Variants in NUPR1 observed in about 807,000 individuals in gnomAD.
NUPR1 encodes the protein nuclear protein 1, transcriptional regulator.
In NUPR1, 8 loss-of-function variants were observed where a neutral mutation model predicts 7.3. The ratio of observed to expected loss-of-function variants is 1.09; its 90% CI spans 0.64 to 1.97. The LOEUF (loss-of-function observed/expected upper bound fraction) is 1.97. Among genes scored for constraint, NUPR1 ranks in the 30% most tolerant of loss-of-function variants. NUPR1 has a pLI of 0.00. For missense variants in NUPR1, 96 were observed against 111.7 expected, an observed-to-expected ratio of 0.86 and a Z score of 0.63; for synonymous variants, 39 against 44.5, an observed-to-expected ratio of 0.88 and a Z score of 0.49.
rs368150912 is a variant in NUPR1 at position 28,535,604 on chromosome 16, C to CT, written c.*2078dup. The CT allele has an allele frequency of 3.1e-5, 1 of 32,340 alleles. No individual in the cohort carries two copies. Among genetic ancestry groups the CT allele is most frequent in the African/African-American group, 1.5e-4 (1 of 6,888 alleles). 2.0% of individuals were successfully genotyped at this position (32,340 alleles called of 1,614,324 possible). On this transcript the variant is annotated 3_prime_UTR_variant, in exon 3 of 3. Coordinates refer to ENST00000324873, the MANE Select transcript of NUPR1 (RefSeq NM_012385.3). ...TCTTTCTTTCTTTCTTTCTTTCTTT[C>CT]TTTCTTTCTTTCTTTCTTCTCTTTC... is the stretch of plus-strand genomic sequence containing the variant.
Position 28,538,605 on chromosome 16 carries a change from G to A in NUPR1, c.112+191C>T, listed in dbSNP as rs752361732. 1.3e-5 allele frequency: 9 copies of A among 688,286 alleles called. No individual in the cohort carries two copies. In the South Asian group the frequency reaches 1.4e-4, roughly 10 times the overall value. 42.6% of individuals were successfully genotyped at this position (688,286 alleles called of 1,614,324 possible). On this transcript the variant is annotated intron_variant, in intron 1 of 2. Transcript: ENST00000324873. ...GGATCACTTGAGCCCAGGAGTTCGA[G>A]GCTGCGGTGAGTTGTTTGAGTTGTT... is the stretch of plus-strand genomic sequence containing the variant.
rs2046611792 is a variant in NUPR1, at chr16:28,535,583, T to TCTTTC, written c.*2095_*2099dup. 4 of 43,192 alleles carry TCTTTC rather than the reference T, an allele frequency of 9.3e-5. No homozygotes were observed. The highest frequency in any genetic ancestry group is 1.1e-3 in the South Asian group (1 of 884). The allele number at this position is 43,192 out of a possible 1,614,324, so 2.7% of individuals were successfully genotyped here. A position where few individuals can be genotyped will look rare whatever the true frequency, so the allele number is the denominator to read the frequency against. On this transcript the variant is annotated 3_prime_UTR_variant, in exon 3 of 3. Transcript: ENST00000324873. The stretch of plus-strand genomic sequence containing the variant: ...TCTTTCCTTCCTTCCTTTCTTTCTT[T>TCTTTC]CTTTCTTTCTTTCTTTCTTTCTTTC...
At position 28,537,355 on chromosome 16, in the gene NUPR1, C is replaced by T. The variant is rs1368241580; in HGVS notation, c.*328G>A. The T allele has an allele frequency of 6.6e-6, 1 of 152,318 alleles. No homozygotes were observed. Among genetic ancestry groups the T allele is most frequent in the Non-Finnish European group, 1.5e-5 (1 of 68,080 alleles). The allele number at this position is 152,318 out of a possible 1,614,324, so 9.4% of individuals were successfully genotyped here. Reference sequence around the variant, plus strand: ...AACACACAAAGAACAAGGATGAACACACACCCAAGCTGTGGCTGCCGTGCG... The same window carrying T: ...AACACACAAAGAACAAGGATGAACATACACCCAAGCTGTGGCTGCCGTGCG... On this transcript the variant is annotated 3_prime_UTR_variant, in exon 3 of 3. Coordinates refer to ENST00000324873, the MANE Select transcript of NUPR1 (RefSeq NM_012385.3).
chr16:28,536,296 T>C lies in NUPR1; in HGVS notation c.*1387A>G, dbSNP rs1000305246. On this transcript the variant is annotated 3_prime_UTR_variant, in exon 3 of 3. Coordinates refer to ENST00000324873, the MANE Select transcript of NUPR1 (RefSeq NM_012385.3). ...TGAACCCAGGAGGCGGAGGTTGCAG[T>C]GAGCTGCGATCATGCCACTGCACTC... 5 of 151,876 alleles carry C rather than the reference T, an allele frequency of 3.3e-5. No individual in the cohort carries two copies. Among genetic ancestry groups the C allele is most frequent in the African/African-American group, 1.2e-4 (5 of 41,288 alleles). The allele number at this position is 151,876 out of a possible 1,614,324, so 9.4% of individuals were successfully genotyped here. A position where few individuals can be genotyped will look rare whatever the true frequency, so the allele number is the denominator to read the frequency against.
chr16:28,538,911 G>C lies in NUPR1; in HGVS notation c.-4C>G, dbSNP rs1257564884. On this transcript the variant is annotated 5_prime_UTR_variant, in exon 1 of 3. Coordinates refer to ENST00000324873, the MANE Select transcript of NUPR1 (RefSeq NM_012385.3). ...TTGCTGGTGGGAAGGTGGCCATCGTGCCTGGCTTGTCTTCCCTGCCTCTCT... is the reference window on the plus strand; with the variant it reads ...TTGCTGGTGGGAAGGTGGCCATCGTCCCTGGCTTGTCTTCCCTGCCTCTCT... 1.9e-6 allele frequency: 3 copies of C among 1,610,604 alleles called. No individual in the cohort carries two copies. Among genetic ancestry groups the C allele is most frequent in the African/African-American group, 2.7e-5 (2 of 74,856 alleles).
At position 28,538,933 on chromosome 16, in the gene NUPR1, CTCT is replaced by C. The variant is rs776572963; in HGVS notation, c.-29_-27del. Reference sequence around the variant, plus strand: ...CGTGCCTGGCTTGTCTTCCCTGCCTCTCTTCTTCTCCTAACGCTTTGTCTGTCT... The same window carrying C: ...CGTGCCTGGCTTGTCTTCCCTGCCTCTCTTCTCCTAACGCTTTGTCTGTCT... On this transcript the variant is annotated 5_prime_UTR_variant, in exon 1 of 3. Coordinates refer to ENST00000324873, the MANE Select transcript of NUPR1 (RefSeq NM_012385.3). 105 of 1,581,326 alleles carry C rather than the reference CTCT, an allele frequency of 6.6e-5. No homozygotes were observed. In the Middle Eastern group the frequency reaches 7.8e-4, roughly 12 times the overall value.
rs2046641509 is a variant in NUPR1, at chr16:28,538,458, G to C, written c.113-303C>G. The C allele has an allele frequency of 1.4e-5, 8 of 576,464 alleles. No homozygotes were observed. The South Asian group carries it at 1.6e-4, about 11-fold the overall frequency. The allele number at this position is 576,464 out of a possible 1,614,324, so 35.7% of individuals were successfully genotyped here. On this transcript the variant is annotated intron_variant, in intron 1 of 2. Transcript: ENST00000324873. ...TAATCTCAGCACTTTGGGAGGCCAAGGCAGGAGAATTGCTTGAGCCCAGGA... is the reference window on the plus strand; with the variant it reads ...TAATCTCAGCACTTTGGGAGGCCAACGCAGGAGAATTGCTTGAGCCCAGGA...
At position 28,532,803 on chromosome 16, in the gene NUPR1, C is replaced by T. The variant is rs893016698; in HGVS notation, c.*4880G>A. The T allele has an allele frequency of 2.0e-5, 3 of 152,142 alleles. No individual in the cohort carries two copies. Among genetic ancestry groups the T allele is most frequent in the Non-Finnish European group, 2.9e-5 (2 of 68,040 alleles). The allele number at this position is 152,142 out of a possible 1,614,324, so 9.4% of individuals were successfully genotyped here. The stretch of plus-strand genomic sequence containing the variant: ...TCCAGGCTTTAAAATTCAGATAGAC[C>T]TGAGTTCATAATTCCAAGTCCTACA... On this transcript the variant is annotated 3_prime_UTR_variant, in exon 3 of 3. Coordinates refer to ENST00000324873, the MANE Select transcript of NUPR1 (RefSeq NM_012385.3).
Position 28,538,606 on chromosome 16 carries a change from G to T in NUPR1, c.112+190C>A, listed in dbSNP as rs542937145. ...GATCACTTGAGCCCAGGAGTTCGAG[G>T]CTGCGGTGAGTTGTTTGAGTTGTTG... On this transcript the variant is annotated intron_variant, in intron 1 of 2. Transcript: ENST00000324873. 1.2e-5 allele frequency: 8 copies of T among 688,474 alleles called. No individual in the cohort carries two copies. In the Admixed American group the frequency reaches 1.6e-4, roughly 14 times the overall value. 42.6% of individuals were successfully genotyped at this position (688,474 alleles called of 1,614,324 possible). A position where few individuals can be genotyped will look rare whatever the true frequency, so the allele number is the denominator to read the frequency against.
Position 28,534,497 on chromosome 16 carries a change from G to C in NUPR1, c.*3186C>G, listed in dbSNP as rs992715223. 6.6e-6 allele frequency: 1 copy of C among 152,218 alleles called. No homozygotes were observed. The highest frequency in any genetic ancestry group is 1.5e-5 in the Non-Finnish European group (1 of 68,068). The allele number at this position is 152,218 out of a possible 1,614,324, so 9.4% of individuals were successfully genotyped here. On this transcript the variant is annotated 3_prime_UTR_variant, in exon 3 of 3. Transcript: ENST00000324873. ...GGGAAAAGGAAACAGGCTCTGCCCG[G>C]GGCCCAATCTCAGAGTTTTCTCCCC...
chr16:28,538,338 C>G (rs952804087), intron 1 of NUPR1, 183 bp from the exon 2 acceptor site: 5 of 803,110 alleles, frequency 6.2e-6, no homozygotes, highest in Non-Finnish European at 9.8e-6. Context: ...ACATAGCACT[C>G]CTGGGATAAG....
In NUPR1 at chr16:28,535,547, C is replaced by CT. The variant is rs1179005274; in HGVS notation, c.*2135dup. ...TCTTTCTTTCTTTCTTTCTTTCCTT[C>CT]TTTCTTTCTTTCTTTCCTTCCTTCC... On this transcript the variant is annotated 3_prime_UTR_variant, in exon 3 of 3. Coordinates refer to ENST00000324873, the MANE Select transcript of NUPR1 (RefSeq NM_012385.3). 3.7e-5 allele frequency: 1 copy of CT among 27,358 alleles called. No homozygotes were observed. Among genetic ancestry groups the CT allele is most frequent in the Non-Finnish European group, 9.9e-5 (1 of 10,064 alleles). 1.7% of individuals were successfully genotyped at this position (27,358 alleles called of 1,614,324 possible).
In NUPR1 at chr16:28,537,685, AAGC is replaced by A; in HGVS notation, c.*14-19_*14-17del. 1 of 261,244 alleles carries A rather than the reference AAGC, an allele frequency of 3.8e-6. No homozygotes were observed. The highest frequency in any genetic ancestry group is 5.3e-5 in the South Asian group (1 of 18,854). 16.2% of individuals were successfully genotyped at this position (261,244 alleles called of 1,614,324 possible). Reference sequence around the variant, plus strand: ...CTGGCCTCATCTGGGGGGTGAGGAAAAGCAGGTGGTAAAAGGGACAGAGATCTG... The same window carrying A: ...CTGGCCTCATCTGGGGGGTGAGGAAAAGGTGGTAAAAGGGACAGAGATCTG... On this transcript the variant is annotated splice_polypyrimidine_tract_variant and intron_variant, in intron 2 of 2. Coordinates refer to ENST00000324873, the MANE Select transcript of NUPR1 (RefSeq NM_012385.3).
In NUPR1 at chr16:28,535,571, C is replaced by CTTTCTTTCTTTCCTTCCTTTCTTTCTTT. The variant is rs1555472555; in HGVS notation, c.*2111_*2112insAAAGAAAGAAAGGAAGGAAAGAAAGAAA. 4 of 71,948 alleles carry CTTTCTTTCTTTCCTTCCTTTCTTTCTTT rather than the reference C, an allele frequency of 5.6e-5. No individual in the cohort carries two copies. Among genetic ancestry groups the CTTTCTTTCTTTCCTTCCTTTCTTTCTTT allele is most frequent in the Admixed American group, 3.3e-4 (2 of 5,984 alleles). 4.5% of individuals were successfully genotyped at this position (71,948 alleles called of 1,614,324 possible). On this transcript the variant is annotated 3_prime_UTR_variant, in exon 3 of 3. Coordinates refer to ENST00000324873, the MANE Select transcript of NUPR1 (RefSeq NM_012385.3). ...TCTTTCTTTCTTTCTTTCCTTCCTT[C>CTTTCTTTCTTTCCTTCCTTTCTTTCTTT]CTTTCTTTCTTTCTTTCTTTCTTTC...
chr16:28,535,556 T>TTCCTTCCTTCCTTCCTTCC lies in NUPR1; in HGVS notation c.*2126_*2127insGGAAGGAAGGAAGGAAGGA. On this transcript the variant is annotated 3_prime_UTR_variant, in exon 3 of 3. Transcript: ENST00000324873. Reference sequence around the variant, plus strand: ...CTTTCTTTCTTTCCTTCTTTCTTTCTTTCTTTCCTTCCTTCCTTTCTTTCT... The same window carrying TTCCTTCCTTCCTTCCTTCC: ...CTTTCTTTCTTTCCTTCTTTCTTTCTTCCTTCCTTCCTTCCTTCCTTCTTTCCTTCCTTCCTTTCTTTCT... The TTCCTTCCTTCCTTCCTTCC allele has an allele frequency of 3.1e-5, 1 of 32,760 alleles. No individual in the cohort carries two copies. The highest frequency in any genetic ancestry group is 1.2e-3 in the South Asian group (1 of 824). The allele number at this position is 32,760 out of a possible 1,614,324, so 2.0% of individuals were successfully genotyped here.
In NUPR1 at chr16:28,535,549, T is replaced by TTCTTTC. The variant is rs2046607606; in HGVS notation, c.*2128_*2133dup. 1 of 30,110 alleles carries TTCTTTC rather than the reference T, an allele frequency of 3.3e-5. No individual in the cohort carries two copies. The highest frequency in any genetic ancestry group is 8.1e-5 in the African/African-American group (1 of 12,308). The allele number at this position is 30,110 out of a possible 1,614,324, so 1.9% of individuals were successfully genotyped here. A position where few individuals can be genotyped will look rare whatever the true frequency, so the allele number is the denominator to read the frequency against. ...TTTCTTTCTTTCTTTCTTTCCTTCT[T>TTCTTTC]TCTTTCTTTCTTTCCTTCCTTCCTT... On this transcript the variant is annotated 3_prime_UTR_variant, in exon 3 of 3. Transcript: ENST00000324873.
intron 1 of NUPR1, chr16:28,538,393 A>G: frequency 1.6e-6 from 1 of 623,036 alleles, no homozygotes; most frequent in Non-Finnish European, 2.8e-6. Context: ...CAGGTTGGCT[A>G]GAAAAGGGTG....
At position 28,536,101 on chromosome 16, in the gene NUPR1, TCCCAGCAC is replaced by T. The variant is rs2046621823; in HGVS notation, c.*1574_*1581del. ...CAGGCGTGGTGGCTGACGCCTGTAA[TCCCAGCAC>T]TTTGGGAGGCCAAGGTGGGTGGATC... On this transcript the variant is annotated 3_prime_UTR_variant, in exon 3 of 3. Coordinates refer to ENST00000324873, the MANE Select transcript of NUPR1 (RefSeq NM_012385.3). 1.3e-5 allele frequency: 2 copies of T among 152,168 alleles called. No individual in the cohort carries two copies. The highest frequency in any genetic ancestry group is 2.9e-5 in the Non-Finnish European group (2 of 68,074). The allele number at this position is 152,168 out of a possible 1,614,324, so 9.4% of individuals were successfully genotyped here.
At position 28,536,679 on chromosome 16, in the gene NUPR1, T is replaced by C. The variant is rs2046625965; in HGVS notation, c.*1004A>G. 1 of 153,318 alleles carries C rather than the reference T, an allele frequency of 6.5e-6. No homozygotes were observed. The highest frequency in any genetic ancestry group is 2.4e-5 in the African/African-American group (1 of 41,410). The allele number at this position is 153,318 out of a possible 1,614,324, so 9.5% of individuals were successfully genotyped here. A position where few individuals can be genotyped will look rare whatever the true frequency, so the allele number is the denominator to read the frequency against. On this transcript the variant is annotated 3_prime_UTR_variant, in exon 3 of 3. Coordinates refer to ENST00000324873, the MANE Select transcript of NUPR1 (RefSeq NM_012385.3). Reference sequence around the variant, plus strand: ...TTTAGTTTTTGTTTGTTTGTTTGTTTTGAGACAGAGTCTCCCTCTGTCACC... The same window carrying C: ...TTTAGTTTTTGTTTGTTTGTTTGTTCTGAGACAGAGTCTCCCTCTGTCACC...
Sources: gnomAD v4.1 joint callset for allele counts on GRCh38, gnomAD v4.1.1 for gene constraint, MANE v1.5 for transcripts, NCBI Gene and HGNC (gene_info 2026-07-23, HGNC 2026-07-21) for gene names.